Variants in ABCC9 observed in about 807,000 individuals in gnomAD.
ABCC9 encodes ATP-binding cassette sub-family C member 9.
ABCC9 carries 95 observed loss-of-function variants against 188.3 expected under a neutral mutation model. The ratio of observed to expected loss-of-function variants is 0.50; its 90% CI spans 0.43 to 0.60. The LOEUF is 0.60. Among genes scored for constraint, ABCC9 ranks in the 20% least tolerant of loss-of-function variants. The probability of loss-of-function intolerance (pLI) is 0.00; values close to 1 mark genes in which losing one functional copy is unlikely to be tolerated. For synonymous variants in ABCC9, 659 were observed against 652.7 expected (o/e 1.01, Z -0.15); for missense variants, 1,102 against 1,876.3 (o/e 0.59, Z 7.62).
At chr12:21,875,881 G>A (rs1379240856) in intron 16 of ABCC9, among the ~76,000 whole-genome samples, 155 bp from the exon 17 acceptor site, 3 of 152,018 alleles carry the variant, frequency 2.0e-5, no homozygotes, top group Non-Finnish European at 2.9e-5. Flanking sequence ...TCAGGAGATC[G>A]AGATCATCCT....
In ABCC9 at chr12:21,845,729, T is replaced by C. The variant is rs1347597084; in HGVS notation, c.2970A>G (p.Gly990=). The C allele has an allele frequency of 6.2e-7, 1 of 1,613,922 alleles. No homozygotes were observed. The highest frequency in any genetic ancestry group is 8.5e-7 in the Non-Finnish European group (1 of 1,179,858). ...KTCWRYLTSG[G]FFLLILMIFS... ...AAATCATCAGGATGAGCAGGAAGAA[T>C]CCTCCAGATGTCAGGTAGCGCCAGC... is the stretch of plus-strand genomic sequence containing the variant. The change falls in exon 26 of 40, where the codon GGA becomes GGG. Residue 990 remains glycine, a synonymous_variant. Coordinates refer to ENST00000261200, the MANE Select transcript of ABCC9 (RefSeq NM_020297.4).
At chr12:21,911,420 T>A (rs1407993574) in intron 8 of ABCC9, among the ~76,000 whole-genome samples, 1 of 151,914 alleles carries the variant, frequency 6.6e-6, no homozygotes, top group Admixed American at 6.6e-5. Context: ...TTCTCAGATA[T>A]CTTAATTTAT....
At chr12:21,841,622 G>T (rs1944401864) in intron 29 of ABCC9, among the ~76,000 whole-genome samples, 1 of 152,002 alleles carries the variant, frequency 6.6e-6, no homozygotes, top group African/African-American at 2.4e-5. Flanking sequence ...CCCCCAAAGT[G>T]CTGGGATTAC....
chr12:21,921,452 C>T (rs1349292231), intron 5 of ABCC9, among the ~76,000 whole-genome samples: 1 of 151,820 alleles, frequency 6.6e-6, no homozygotes, highest in African/African-American at 2.4e-5. Flanking sequence ...GTTTGAGCTC[C>T]TTATATATTC....
At chr12:21,818,345 C>G in intron 31 of ABCC9, 94 bp from the exon 32 acceptor site, 1 of 913,352 alleles carries the variant, frequency 1.1e-6, no homozygotes, top group Non-Finnish European at 1.8e-6. Flanking sequence ...AGAGAATACA[C>G]ATCATTCCAT....
intron 38 of ABCC9, among the ~76,000 whole-genome samples, chr12:21,806,866 A>G (rs1941884950): frequency 6.6e-6 from 1 of 152,204 alleles, no homozygotes; most frequent in Non-Finnish European, 1.5e-5. Flanking sequence ...GGCAAAATTT[A>G]TGGCTTTTTA....
At chr12:21,936,812 G>T in intron 2 of ABCC9, 118 bp from the exon 3 acceptor site, 1 of 722,316 alleles carries the variant, frequency 1.4e-6, no homozygotes, top group Non-Finnish European at 2.2e-6. Context: ...TACTTTGATA[G>T]CTGAGGAAAT....
intron 15 of ABCC9, among the ~76,000 whole-genome samples, chr12:21,885,547 C>T (rs1436539802): frequency 1.3e-5 from 2 of 152,104 alleles, no homozygotes; most frequent in Non-Finnish European, 2.9e-5. Context: ...AAGACAAGTT[C>T]CTTGGTAGTC....
At chr12:21,812,745 T>A (rs1942332846) in intron 35 of ABCC9, among the ~76,000 whole-genome samples, 1 of 152,078 alleles carries the variant, frequency 6.6e-6, no homozygotes, top group African/African-American at 2.4e-5. Flanking sequence ...AAATACCTAA[T>A]GTAGATGATG....
chr12:21,881,094 T>C (rs1946594333), intron 16 of ABCC9, among the ~76,000 whole-genome samples: 1 of 151,890 alleles, frequency 6.6e-6, no homozygotes, highest in Admixed American at 6.6e-5. Context: ...AAATATGTTC[T>C]TAGGGAAGCA....
At chr12:21,926,966 T>C (rs1949069394) in intron 4 of ABCC9, among the ~76,000 whole-genome samples, 1 of 152,068 alleles carries the variant, frequency 6.6e-6, no homozygotes, top group Admixed American at 6.5e-5. Flanking sequence ...AGTACATAAA[T>C]GGTATAGAGA....
chr12:21,829,599 A>C (rs554642390), intron 30 of ABCC9, among the ~76,000 whole-genome samples: 2 of 151,962 alleles, frequency 1.3e-5, no homozygotes, highest in South Asian at 4.1e-4. Context: ...CCTTTCTTAT[A>C]CCCTTACTAG....
rs1224367944 is a variant in ABCC9, at chr12:21,912,865, A to G, written c.1011+7T>C. ...TATGTTTCCATTGAAAATCACCAGG[A>G]ACTTACTCCAGTTGTGTTATTTGTC... On this transcript the variant is annotated splice_region_variant and intron_variant, in intron 8 of 39. Coordinates refer to ENST00000261200, the MANE Select transcript of ABCC9 (RefSeq NM_020297.4). 6.2e-7 allele frequency: 1 copy of G among 1,612,620 alleles called. No homozygotes were observed. Among genetic ancestry groups the G allele is most frequent in the Non-Finnish European group, 8.5e-7 (1 of 1,178,828 alleles).
intron 18 of ABCC9, among the ~76,000 whole-genome samples, chr12:21,869,188 C>T (rs1416054604): frequency 2.0e-5 from 3 of 152,276 alleles, no homozygotes; most frequent in Admixed American, 6.5e-5. Flanking sequence ...GGCAAATGCT[C>T]ATAAAAAGAT....
intron 14 of ABCC9, among the ~76,000 whole-genome samples, chr12:21,889,267 A>G (rs753451791): frequency 2.6e-5 from 4 of 152,150 alleles, no homozygotes; most frequent in Non-Finnish European, 4.4e-5. Flanking sequence ...CAGTTCATAC[A>G]CTTTCTTTGA....
intron 3 of ABCC9, 66 bp downstream of exon 3, chr12:21,936,467 A>T (rs1455514762): frequency 7.1e-7 from 1 of 1,412,172 alleles, no homozygotes; most frequent in Admixed American, 1.9e-5. Context: ...ACATTATCCC[A>T]AATCTCAGCC....
intron 10 of ABCC9, among the ~76,000 whole-genome samples, chr12:21,908,828 CA>C (rs1948174842): frequency 6.6e-6 from 1 of 151,878 alleles, no homozygotes; most frequent in Non-Finnish European, 1.5e-5. Context: ...TCTCTTTCCC[CA>C]AACCAAGGGC....
At position 21,805,886 on chromosome 12, in the gene ABCC9, T is replaced by TA. The variant is rs148899000; in HGVS notation, c.4512+111_4512+112insT. The TA allele has an allele frequency of 8.0e-5, 83 of 1,038,154 alleles. No homozygotes were observed. The African/African-American group carries it at 1.2e-3, about 15-fold the overall frequency. 64.3% of individuals were successfully genotyped at this position (1,038,154 alleles called of 1,614,324 possible). The stretch of plus-strand genomic sequence containing the variant: ...TCTTTTTTGCACAGATACAGAAACA[T>TA]TAGCAGAGAAATACATAATTCAACA... On this transcript the variant is annotated intron_variant, in intron 39 of 39. Coordinates refer to ENST00000261200, the MANE Select transcript of ABCC9 (RefSeq NM_020297.4).
intron 19 of ABCC9, among the ~76,000 whole-genome samples, chr12:21,863,792 G>C (rs971921993): frequency 6.6e-6 from 1 of 152,116 alleles, no homozygotes; most frequent in Non-Finnish European, 1.5e-5. Flanking sequence ...TCCACAGTTA[G>C]TTCATGATCT....
Sources: allele counts gnomAD v4.1 joint callset (sites outside exome capture counted in the v4.1 genomes callset), GRCh38; gene constraint gnomAD v4.1.1; transcripts MANE v1.5; gene names NCBI Gene and HGNC (gene_info 2026-07-23, HGNC 2026-07-21).